The following PRR5L variants were observed in gnomAD, a reference collection of about 807,000 sequenced individuals.
PRR5L encodes proline rich 5 like.
In PRR5L, 21 loss-of-function variants were observed where a neutral mutation model predicts 36.4. The ratio of observed to expected loss-of-function variants is 0.58; its 90% confidence interval spans 0.41 to 0.83. The LOEUF (loss-of-function observed/expected upper bound fraction) is 0.83. PRR5L is among the 40% of genes least tolerant of loss of function. PRR5L has a pLI of 0.00. For missense variants in PRR5L, 381 were observed against 473.3 expected, an observed-to-expected ratio of 0.80 and a Z score of 1.81; for synonymous variants, 188 against 197.0, an observed-to-expected ratio of 0.95 and a Z score of 0.38.
chr11:36,363,562 C>A (rs539628535), intron 1 of PRR5L, among the ~76,000 whole-genome samples: 1 of 152,172 alleles, frequency 6.6e-6, no homozygotes, highest in Non-Finnish European at 1.5e-5. Flanking sequence ...CCTCCTGACC[C>A]GCCTTTGAGA....
At position 36,376,589 on chromosome 11, in the gene PRR5L, T is replaced by C. The variant is rs185695358; in HGVS notation, c.-125-24408T>C. 5.8e-4 allele frequency: 577 copies of C among 989,778 alleles called. 4 individuals carry two copies. In the African/African-American group the frequency reaches 9.4e-3, roughly 16 times the overall value. 61.3% of individuals were successfully genotyped at this position (989,778 alleles called of 1,614,324 possible). On this transcript the variant is annotated intron_variant, in intron 1 of 8. Coordinates refer to ENST00000530639, the MANE Select transcript of PRR5L (RefSeq NM_001160167.2). The stretch of plus-strand genomic sequence containing the variant: ...ATCCAGGTCGCTCATTTCTCTCCGG[T>C]GAGAAAACTTCCTCGGGAAGACCGG...
intron 1 of PRR5L, among the ~76,000 whole-genome samples, chr11:36,350,405 G>C (rs751140608): frequency 2.0e-5 from 3 of 151,886 alleles, no homozygotes; most frequent in Admixed American, 1.3e-4. Context: ...TGAAGAATAA[G>C]AGGGACAGTG....
Position 36,463,086 on chromosome 11 carries a change from T to A in PRR5L, c.*350T>A. On this transcript the variant is annotated 3_prime_UTR_variant, in exon 9 of 9. Coordinates refer to ENST00000530639, the MANE Select transcript of PRR5L (RefSeq NM_001160167.2). ...ACATATCCAATGCTCCTGGCATTTC[T>A]GGAGCAGGAGGTTGTCAGGACAACA... The A allele has an allele frequency of 4.8e-6, 1 of 209,058 alleles. No homozygotes were observed. Among genetic ancestry groups the A allele is most frequent in the Non-Finnish European group, 9.5e-6 (1 of 105,570 alleles). 13.0% of individuals were successfully genotyped at this position (209,058 alleles called of 1,614,324 possible).
At chr11:36,308,202 A>G (rs1313110422) in intron 1 of PRR5L, among the ~76,000 whole-genome samples, 2 of 152,230 alleles carry the variant, frequency 1.3e-5, no homozygotes, top group Non-Finnish European at 2.9e-5. Context: ...AGACTCAAAC[A>G]TGCAATTGTG....
intron 4 of PRR5L, among the ~76,000 whole-genome samples, chr11:36,420,030 C>G (rs573103444): frequency 6.6e-6 from 1 of 152,268 alleles, no homozygotes; most frequent in East Asian, 1.9e-4. Flanking sequence ...GGTTCCAGGA[C>G]CAATCAGAGG....
chr11:36,308,789 T>G (rs1359167136), intron 1 of PRR5L, among the ~76,000 whole-genome samples: 1 of 152,204 alleles, frequency 6.6e-6, no homozygotes, highest in Non-Finnish European at 1.5e-5. Context: ...TCAGAGGCTT[T>G]AAATAATGCT....
Position 36,462,921 on chromosome 11 carries a change from T to G in PRR5L, c.*185T>G, listed in dbSNP as rs2133643128. ...GTAAACCTCTTTATTTTGGTGACTGTGACCACTTCTTTGTAGCCACCAATT... is the reference window on the plus strand; with the variant it reads ...GTAAACCTCTTTATTTTGGTGACTGGGACCACTTCTTTGTAGCCACCAATT... On this transcript the variant is annotated 3_prime_UTR_variant, in exon 9 of 9. Transcript: ENST00000530639. 1 of 534,448 alleles carries G rather than the reference T, an allele frequency of 1.9e-6. No homozygotes were observed. Among genetic ancestry groups the G allele is most frequent in the Middle Eastern group, 5.0e-4 (1 of 2,012 alleles). 33.1% of individuals were successfully genotyped at this position (534,448 alleles called of 1,614,324 possible).
At chr11:36,337,037 T>G (rs1856775507) in intron 1 of PRR5L, among the ~76,000 whole-genome samples, 1 of 152,138 alleles carries the variant, frequency 6.6e-6, no homozygotes, top group African/African-American at 2.4e-5. Flanking sequence ...TCCATTATCA[T>G]ATAGATGAAG....
At chr11:36,319,029 T>C (rs1856587356) in intron 1 of PRR5L, among the ~76,000 whole-genome samples, 1 of 152,200 alleles carries the variant, frequency 6.6e-6, no homozygotes, top group Non-Finnish European at 1.5e-5. Flanking sequence ...TCATCACTTT[T>C]TTCTCTCCTG....
intron 6 of PRR5L, 61 bp from the exon 7 acceptor site, chr11:36,446,239 T>C (rs112588084): frequency 6.3e-6 from 10 of 1,584,864 alleles, no homozygotes; most frequent in African/African-American, 5.4e-5. Context: ...GAACCCCACA[T>C]GGTCGGTGGC....
intron 1 of PRR5L, among the ~76,000 whole-genome samples, chr11:36,345,388 C>G (rs548165950): frequency 6.6e-6 from 1 of 152,022 alleles, no homozygotes; most frequent in African/African-American, 2.4e-5. Flanking sequence ...GTGTGTAACC[C>G]GCCGTAGGGA....
chr11:36,459,639 T>C (rs907637103), intron 8 of PRR5L, among the ~76,000 whole-genome samples: 2 of 152,238 alleles, frequency 1.3e-5, no homozygotes, highest in South Asian at 2.1e-4. Context: ...GCAGTGGTGA[T>C]AGCAGTACCC....
chr11:36,311,988 G>T (rs1459553288), intron 1 of PRR5L, among the ~76,000 whole-genome samples: 1 of 152,158 alleles, frequency 6.6e-6, no homozygotes, highest in Admixed American at 6.5e-5. Context: ...CATGAAAAAA[G>T]TGCCAATAAA....
intron 4 of PRR5L, chr11:36,425,722 T>A (rs1029424776): frequency 6.6e-6 from 1 of 152,064 alleles, no homozygotes; most frequent in Non-Finnish European, 1.5e-5. Context: ...GTAAGTTGTG[T>A]TTGTAAGACT....
At chr11:36,396,778 C>T (rs1037311065) in intron 1 of PRR5L, among the ~76,000 whole-genome samples, 1 of 152,196 alleles carries the variant, frequency 6.6e-6, no homozygotes, top group African/African-American at 2.4e-5. Flanking sequence ...GTGTCTAAGG[C>T]AGCTGTTCTT....
At chr11:36,389,261 TGCTCTCCCTCCAGCCA>T (rs1266253624) in intron 1 of PRR5L, among the ~76,000 whole-genome samples, 1 of 152,210 alleles carries the variant, frequency 6.6e-6, no homozygotes, top group Non-Finnish European at 1.5e-5. Flanking sequence ...CAATTCAGAC[TGCTCTCCCTCCAGCCA>T]TGCGTTCAAG....
chr11:36,420,632 GA>G (rs1255323079), intron 4 of PRR5L, among the ~76,000 whole-genome samples: 1 of 152,190 alleles, frequency 6.6e-6, no homozygotes, highest in Non-Finnish European at 1.5e-5. Flanking sequence ...CTTTTAATGG[GA>G]AAGTAGCATG....
intron 1 of PRR5L, among the ~76,000 whole-genome samples, chr11:36,341,140 C>T (rs946097123): frequency 1.3e-5 from 2 of 152,024 alleles, no homozygotes; most frequent in African/African-American, 2.4e-5. Flanking sequence ...CCAATATCCA[C>T]GGTGGTCGCC....
chr11:36,442,377 T>TG (rs1564950672), intron 6 of PRR5L, among the ~76,000 whole-genome samples: 1 of 151,478 alleles, frequency 6.6e-6, no homozygotes, highest in African/African-American at 2.4e-5. Context: ...AGTCTCACTC[T>TG]GTCACCCAGG....
Sources: allele counts gnomAD v4.1 joint callset (sites outside exome capture counted in the v4.1 genomes callset), GRCh38; gene constraint gnomAD v4.1.1; transcripts MANE v1.5; gene names NCBI Gene and HGNC (gene_info 2026-07-23, HGNC 2026-07-21).